TREH: variants seen among roughly 807,000 people sequenced by gnomAD.
TREH encodes the protein alpha,alpha-trehalose glucohydrolase.
In TREH, 69 loss-of-function variants were observed where a neutral mutation model predicts 80.5. The ratio of observed to expected loss-of-function variants is 0.86; its 90% CI spans 0.71 to 1.05. TREH has a LOEUF of 1.05. Among genes scored for constraint, TREH ranks in the 50% least tolerant of loss-of-function variants. The pLI, the probability that TREH is intolerant of heterozygous loss-of-function variation, is 0.00. For missense variants in TREH, 716 were observed against 718.8 expected, an observed-to-expected ratio of 1.00 and a Z score of 0.04; for synonymous variants, 309 against 293.5, an observed-to-expected ratio of 1.05 and a Z score of -0.54.
At chr11:118,671,974 A>C (rs1314697364) in intron 1 of TREH, among the ~76,000 whole-genome samples, 1 of 152,216 alleles carries the variant, frequency 6.6e-6, no homozygotes, top group Non-Finnish European at 1.5e-5. Flanking sequence ...AATATCCTTC[A>C]ACCATGAAGG....
intron 1 of TREH, among the ~76,000 whole-genome samples, chr11:118,672,861 C>T (rs1394398050): frequency 6.6e-6 from 1 of 151,934 alleles, no homozygotes; most frequent in East Asian, 1.9e-4. Context: ...GTCCTGGGAC[C>T]ACTGGGATTT....
intron 1 of TREH, among the ~76,000 whole-genome samples, chr11:118,678,361 T>C (rs1358765084): frequency 1.5e-5 from 1 of 64,784 alleles, no homozygotes; most frequent in African/African-American, 5.6e-5. Context: ...TTGCTTCTAT[T>C]ATTATTATTA....
chr11:118,676,284 G>A (rs1949478037), intron 1 of TREH, among the ~76,000 whole-genome samples: 2 of 152,196 alleles, frequency 1.3e-5, no homozygotes, highest in Admixed American at 1.3e-4. Context: ...CCAAGAGCCT[G>A]GGAAACATGG....
chr11:118,665,797 C>A (rs1949371913), intron 1 of TREH, among the ~76,000 whole-genome samples: 1 of 152,218 alleles, frequency 6.6e-6, no homozygotes, highest in Non-Finnish European at 1.5e-5. Flanking sequence ...AGATAGCCCA[C>A]TAGTTCCGCA....
Position 118,658,287 on chromosome 11 carries a change from T to C in TREH, c.*2A>G. Reference sequence around the variant, plus strand: ...TGGGGCCAGGTGAGGAGAGGAGGGCTGTCACCATGGCAGGAGGCTGAGCAG... The same window carrying C: ...TGGGGCCAGGTGAGGAGAGGAGGGCCGTCACCATGGCAGGAGGCTGAGCAG... On this transcript the variant is annotated 3_prime_UTR_variant, in exon 15 of 15. Transcript: ENST00000264029. 6.3e-7 allele frequency: 1 copy of C among 1,584,062 alleles called. No homozygotes were observed. The highest frequency in any genetic ancestry group is 1.2e-5 in the South Asian group (1 of 86,886).
rs77638491 is a variant in TREH, at chr11:118,678,091, G to A, written c.89+1448C>T. Reference sequence around the variant, plus strand: ...TGTTGCCTGGAGCCCCGCTCTCCCCGGACCTGTTCCCACTCTGCCCCAATC... The same window carrying A: ...TGTTGCCTGGAGCCCCGCTCTCCCCAGACCTGTTCCCACTCTGCCCCAATC... On this transcript the variant is annotated intron_variant, in intron 1 of 14. Transcript: ENST00000264029. 6.6e-5 allele frequency among the ~76,000 whole-genome samples: 10 copies of A among 152,128 alleles called. No homozygotes were observed. The East Asian group carries it at 1.4e-3, about 21-fold the overall frequency.
chr11:118,662,913 GCTGCCCTGCCCA>G lies in TREH; in HGVS notation c.379_390del (p.Trp127_Gln130del), dbSNP rs1413750490. On this transcript the variant is annotated inframe_deletion, in exon 4 of 15. Coordinates refer to ENST00000264029, the MANE Select transcript of TREH (RefSeq NM_007180.3). ...CCCAGCTTCTTCCAGAGCTGATGCA[GCTGCCCTGCCCA>G]GGCACGCAGTTTGGCATCTGAAATC... 5.6e-6 allele frequency: 9 copies of G among 1,604,850 alleles called. No homozygotes were observed. In the Admixed American group the frequency reaches 1.2e-4, roughly 21 times the overall value.
intron 10 of TREH, 73 bp from the exon 11 acceptor site, chr11:118,660,037 CT>C: frequency 7.3e-7 from 1 of 1,376,120 alleles, no homozygotes; most frequent in Non-Finnish European, 9.9e-7. Flanking sequence ...CGTGGTTCTA[CT>C]TTAGCCTCCC....
Position 118,661,619 on chromosome 11 carries a change from G to T in TREH, c.617+18C>A. The stretch of plus-strand genomic sequence containing the variant: ...CCTCTCCTCCCCACCTAGGCTGGAG[G>T]TGCCTGGCCCCCCTCACGTTTTCAC... On this transcript the variant is annotated intron_variant, in intron 6 of 14. Transcript: ENST00000264029. The surrounding 1 kb of genome is among the most constrained non-coding windows in gnomAD (Gnocchi z 4.2). 2 of 1,613,868 alleles carry T rather than the reference G, an allele frequency of 1.2e-6. No individual in the cohort carries two copies. The highest frequency in any genetic ancestry group is 8.5e-7 in the Non-Finnish European group (1 of 1,179,862).
chr11:118,678,911 C>G (rs1167107239), intron 1 of TREH, among the ~76,000 whole-genome samples: 1 of 152,206 alleles, frequency 6.6e-6, no homozygotes, highest in African/African-American at 2.4e-5. Context: ...CCTTAGGCTG[C>G]CTCTCACACC....
chr11:118,662,138 A>AGC, intron 4 of TREH, 148 bp from the exon 5 acceptor site: 1 of 650,224 alleles, frequency 1.5e-6, no homozygotes, highest in Non-Finnish European at 2.7e-6. Context: ...TCAGCCATGT[A>AGC]ATCAAGGCCT....
intron 10 of TREH, among the ~76,000 whole-genome samples, chr11:118,660,276 A>G (rs1260086329): frequency 6.6e-6 from 1 of 152,124 alleles, no homozygotes; most frequent in Non-Finnish European, 1.5e-5. Flanking sequence ...AGGGAGTGGA[A>G]GGATTTTGGA....
At position 118,661,166 on chromosome 11, in the gene TREH, C is replaced by T. The variant is rs1555144871; in HGVS notation, c.851G>A (p.Gly284Glu). The change falls in exon 8 of 15, where the codon GGA becomes GAA. Residue 284 changes from glycine (G) to glutamate (E), a missense_variant. Physicochemically the swap from Gly to Glu is moderately conservative, Grantham distance 98. Transcript: ENST00000264029. The surrounding 1 kb of genome is among the most constrained non-coding windows in gnomAD (Gnocchi z 4.2). ...LLNRYYVPYG[G>E]PRPESYSKDV... The stretch of plus-strand genomic sequence containing the variant: ...GGGCTGCCCAGTTCCTCACCTGGGT[C>T]CCCCATAAGGGACATAATAGCGATT... 6.2e-7 allele frequency: 1 copy of T among 1,613,700 alleles called. No individual in the cohort carries two copies. The highest frequency in any genetic ancestry group is 1.3e-5 in the African/African-American group (1 of 74,876).
In TREH at chr11:118,674,026, C is replaced by T. The variant is rs1555146581; in HGVS notation, c.89+5513G>A. Among the ~76,000 whole-genome samples the T allele has an allele frequency of 9.7e-6, 1 of 103,424 alleles. No individual in the cohort carries two copies. Among genetic ancestry groups the T allele is most frequent in the African/African-American group, 3.2e-5 (1 of 31,658 alleles). The allele number at this position is 103,424 out of a possible 152,430, so 67.9% of individuals were successfully genotyped here. On this transcript the variant is annotated intron_variant, in intron 1 of 14. Coordinates refer to ENST00000264029, the MANE Select transcript of TREH (RefSeq NM_007180.3). The surrounding 1 kb of genome is among the most constrained non-coding windows in gnomAD (Gnocchi z 4.4). ...AAAAGAGTCTCTCTGCTTTTGAATA[C>T]ACTGAGTAACTGCATTCCCCCAGGA...
rs1949319876 is a variant in TREH at position 118,661,401 on chromosome 11, G to A, written c.726C>T (p.Ala242=). The part of the protein sequence containing the change: ...DCYLTHTNDT[A]FLQENIETLA... Reference sequence around the variant, plus strand: ...GGGAGGGTGGTACCCACTGTAGAAAGGCGGTGTCATTGGTGTGAGTCAAGT... The same window carrying A: ...GGGAGGGTGGTACCCACTGTAGAAAAGCGGTGTCATTGGTGTGAGTCAAGT... The change falls in exon 7 of 15, where the codon GCC becomes GCT. Residue 242 remains alanine, a synonymous_variant. Coordinates refer to ENST00000264029, the MANE Select transcript of TREH (RefSeq NM_007180.3). The surrounding 1 kb of genome is among the most constrained non-coding windows in gnomAD (Gnocchi z 4.2). The A allele has an allele frequency of 6.2e-7, 1 of 1,613,882 alleles. No homozygotes were observed. The highest frequency in any genetic ancestry group is 8.5e-7 in the Non-Finnish European group (1 of 1,179,868).
Position 118,659,958 on chromosome 11 carries a change from T to C in TREH, c.1109A>G (p.Asp370Gly), listed in dbSNP as rs1555144557. 2.6e-6 allele frequency: 4 copies of C among 1,550,846 alleles called. No individual in the cohort carries two copies. In the East Asian group the frequency reaches 9.8e-5, roughly 38 times the overall value. The change falls in exon 11 of 15, where the codon GAC (aspartate) becomes GGC (glycine). Residue 370 changes from aspartate to glycine, a missense_variant. Transcript: ENST00000264029. ...MSNFYSRLGN[D>G]SQATKYRILR... ...GATTCTGTACTTCGTGGCCTGGGAG[T>C]CGTTCCCTGGGGCAGTGCTGCCTTT...
chr11:118,673,970 C>T (rs894305936), intron 1 of TREH, among the ~76,000 whole-genome samples: 1 of 152,158 alleles, frequency 6.6e-6, no homozygotes, highest in Non-Finnish European at 1.5e-5. Flanking sequence ...TCTAACAACT[C>T]TTTGAGTGGG....
rs782653438 is a variant in TREH, at chr11:118,659,447, G to T, written c.1355C>A (p.Pro452Gln). 6.2e-7 allele frequency: 1 copy of T among 1,606,426 alleles called. No homozygotes were observed. The highest frequency in any genetic ancestry group is 1.7e-4 in the Middle Eastern group (1 of 6,034). ...NRILTYQYGI[P>Q]TSLQKTGQQW... is the part of the protein sequence containing the mutation. ...CTGGCCTGTCTTCTGGAGAGAGGTC[G>T]GGATCCCATACTGGTAAGTCAGGAT... The change falls in exon 12 of 15, where the codon CCG becomes CAG. Residue 452 changes from proline (P) to glutamine (Q), a missense_variant. Transcript: ENST00000264029.
intron 1 of TREH, among the ~76,000 whole-genome samples, chr11:118,671,495 G>GAAATAAAA (rs1555146274): frequency 5.9e-5 from 9 of 151,874 alleles, no homozygotes; most frequent in African/African-American, 2.2e-4. Context: ...ACAATCAGGA[G>GAAATAAAA]ACAAGAGAAA....
Sources: gnomAD v4.1 joint callset for allele counts (sites outside exome capture counted in the v4.1 genomes callset) on GRCh38, gnomAD v4.1.1 for gene constraint, Gnocchi (gnomAD v3.1) non-coding constraint, MANE v1.5 for transcripts, NCBI Gene and HGNC (gene_info 2026-07-23, HGNC 2026-07-21) for gene names.